LRRC4C: variants seen among roughly 807,000 people sequenced by gnomAD.
LRRC4C encodes the protein leucine rich repeat containing 4C, also known as leucine-rich repeat-containing protein 4C.
In LRRC4C, 5 loss-of-function variants were observed where a neutral mutation model predicts 33.6. The ratio of observed to expected loss-of-function variants is 0.15; its 90% CI spans 0.08 to 0.31. The LOEUF is 0.31. Ranked by LOEUF, LRRC4C falls within the 10% of genes least tolerant of loss-of-function variation. The pLI is 1.00. For missense variants in LRRC4C, 560 were observed against 796.7 expected (o/e 0.70, Z 3.58); for synonymous variants, 329 against 302.0 (o/e 1.09, Z -0.93).
chr11:41,150,755 C>A (rs1490121170), intron 1 of LRRC4C, among the ~76,000 whole-genome samples: 2 of 150,350 alleles, frequency 1.3e-5, no homozygotes, highest in African/African-American at 2.5e-5. Context: ...TGCCACTGCA[C>A]AACAGACTCC....
chr11:40,252,541 A>G (rs912859729), intron 4 of LRRC4C, among the ~76,000 whole-genome samples: 2 of 152,158 alleles, frequency 1.3e-5, no homozygotes, highest in African/African-American at 4.8e-5. Flanking sequence ...AAGAGAAGGC[A>G]AAAAATAAAA....
intron 1 of LRRC4C, among the ~76,000 whole-genome samples, chr11:41,285,823 A>G (rs986785380): frequency 6.6e-6 from 1 of 151,620 alleles, no homozygotes; most frequent in East Asian, 1.9e-4. Context: ...ATTTTATTTT[A>G]TTTATTTTAT....
intron 1 of LRRC4C, among the ~76,000 whole-genome samples, chr11:40,972,935 A>G (rs1851827121): frequency 6.6e-6 from 1 of 152,156 alleles, no homozygotes; most frequent in Non-Finnish European, 1.5e-5. Flanking sequence ...GAGGTAATTG[A>G]ATCATGGGGG....
chr11:40,198,281 G>A (rs999428600), intron 5 of LRRC4C, among the ~76,000 whole-genome samples: 3 of 152,234 alleles, frequency 2.0e-5, no homozygotes, highest in Admixed American at 6.5e-5. Context: ...CTTATGTACC[G>A]TAAAATAGTG....
chr11:40,161,345 T>C (rs1590573856), intron 5 of LRRC4C, among the ~76,000 whole-genome samples: 1 of 152,242 alleles, frequency 6.6e-6, no homozygotes, highest in African/African-American at 2.4e-5. Flanking sequence ...CCCAAATGTA[T>C]ACACAAATTA....
chr11:40,154,287 C>CAAAAAAAAAAAAAAAAAAAAAAAAAAA (rs60017606), intron 5 of LRRC4C, among the ~76,000 whole-genome samples: 1 of 114,206 alleles, frequency 8.8e-6, no homozygotes, highest in African/African-American at 3.2e-5. Flanking sequence ...AGCTAAAAAG[C>CAAAAAAAAAAAAAAAAAAAAAAAAAAA]AAAAAAAAAA....
intron 3 of LRRC4C, among the ~76,000 whole-genome samples, chr11:40,413,167 G>A (rs1200479604): frequency 6.6e-6 from 1 of 151,994 alleles, no homozygotes; most frequent in East Asian, 1.9e-4. Flanking sequence ...TCAGGTAATG[G>A]TTCATCAAGT....
intron 2 of LRRC4C, among the ~76,000 whole-genome samples, chr11:40,658,007 T>C (rs928181766): frequency 5.3e-5 from 8 of 152,350 alleles, no homozygotes; most frequent in Admixed American, 5.2e-4. Flanking sequence ...AAGTTGACAG[T>C]TTCTTAGTTG....
intron 3 of LRRC4C, among the ~76,000 whole-genome samples, chr11:40,324,021 A>C (rs1320052507): frequency 6.6e-6 from 1 of 152,202 alleles, no homozygotes. Flanking sequence ...CCCTTCAATG[A>C]ACAAGAAATT....
intron 1 of LRRC4C, among the ~76,000 whole-genome samples, chr11:41,057,292 A>T (rs377174252): frequency 6.6e-6 from 1 of 152,206 alleles, no homozygotes; most frequent in African/African-American, 2.4e-5. Flanking sequence ...CTGAAACACC[A>T]GTCCCTTGCC....
intron 1 of LRRC4C, among the ~76,000 whole-genome samples, chr11:41,162,629 T>C (rs1278431328): frequency 2.0e-5 from 3 of 152,140 alleles, no homozygotes; most frequent in Non-Finnish European, 2.9e-5. Flanking sequence ...AGTAACACAA[T>C]GGCAATTATT....
chr11:41,273,855 C>G (rs997593165), intron 1 of LRRC4C, among the ~76,000 whole-genome samples: 3 of 152,052 alleles, frequency 2.0e-5, no homozygotes, highest in Non-Finnish European at 2.9e-5. Context: ...CCAAACTCAT[C>G]AAAATATATA....
At chr11:40,875,161 A>G (rs762643573) in intron 2 of LRRC4C, among the ~76,000 whole-genome samples, 16 of 152,140 alleles carry the variant, frequency 1.1e-4, no homozygotes, top group Non-Finnish European at 2.1e-4. Context: ...CCAGGAAAAA[A>G]TTTACACAAT....
chr11:40,282,145 T>G (rs1565225746), intron 4 of LRRC4C, among the ~76,000 whole-genome samples: 1 of 152,052 alleles, frequency 6.6e-6, no homozygotes, highest in Non-Finnish European at 1.5e-5. Flanking sequence ...AGACGGGAGT[T>G]TGAGATCAGC....
At chr11:40,918,452 G>A (rs1957049334) in intron 2 of LRRC4C, among the ~76,000 whole-genome samples, 1 of 151,588 alleles carries the variant, frequency 6.6e-6, no homozygotes, top group African/African-American at 2.4e-5. Flanking sequence ...TCCTATTTGG[G>A]GAGAGTTTCC....
Position 41,424,824 on chromosome 11 carries a change from G to A in LRRC4C, c.-496+34607C>T, listed in dbSNP as rs529449269. ...AATATTTAGTGTCATGCTTCCCCAA[G>A]GAATATAGATACTTCTGAAGTATTT... On this transcript the variant is annotated intron_variant, in intron 1 of 6. Coordinates refer to ENST00000528697, the MANE Select transcript of LRRC4C (RefSeq NM_001258419.2). Among the ~76,000 whole-genome samples the A allele has an allele frequency of 4.0e-4, 61 of 151,988 alleles. 1 individual carries two copies. The highest frequency in any genetic ancestry group is 7.2e-4 in the Admixed American group (11 of 15,250).
chr11:40,621,292 TAA>T (rs139103762), intron 3 of LRRC4C, among the ~76,000 whole-genome samples: 1 of 151,768 alleles, frequency 6.6e-6, no homozygotes, highest in Non-Finnish European at 1.5e-5. Context: ...TTTTAGGACA[TAA>T]AGTCTACTTG....
At chr11:40,537,869 A>G (rs567041854) in intron 3 of LRRC4C, among the ~76,000 whole-genome samples, 2 of 152,124 alleles carry the variant, frequency 1.3e-5, no homozygotes, top group Non-Finnish European at 2.9e-5. Context: ...AAAGCTAGTA[A>G]ATTCCTGAGT....
intron 2 of LRRC4C, among the ~76,000 whole-genome samples, chr11:40,704,717 T>G (rs1946060455): frequency 6.6e-6 from 1 of 152,164 alleles, no homozygotes; most frequent in South Asian, 2.1e-4. Flanking sequence ...TAAAGTAACA[T>G]ACGTCAAGTG....
Sources: allele counts gnomAD v4.1 joint callset (sites outside exome capture counted in the v4.1 genomes callset), GRCh38; gene constraint gnomAD v4.1.1; transcripts MANE v1.5; gene names NCBI Gene and HGNC (gene_info 2026-07-23, HGNC 2026-07-21).